The following TIMMDC1 variants were observed in gnomAD, a reference collection of about 807,000 sequenced individuals.
The protein encoded by TIMMDC1 is translocase of inner mitochondrial membrane domain containing 1.
Under a neutral mutation model 32.6 loss-of-function variants are expected in TIMMDC1, and 25 were observed. That is an observed-to-expected ratio of 0.77 (90% CI 0.56 to 1.07). The LOEUF (loss-of-function observed/expected upper bound fraction) is 1.07. TIMMDC1 is among the 50% of genes least tolerant of loss of function. The pLI is 0.00. For missense variants in TIMMDC1, 329 were observed against 349.2 expected (o/e 0.94, Z 0.46); for synonymous variants, 130 against 127.6 (o/e 1.02, Z -0.13).
At chr3:119,507,251 A>G (rs1447217438) in intron 4 of TIMMDC1, among the ~76,000 whole-genome samples, 2 of 152,104 alleles carry the variant, frequency 1.3e-5, no homozygotes, top group African/African-American at 4.8e-5. Context: ...CTGGTGTTCT[A>G]GTACACTTAT....
intron 2 of TIMMDC1, among the ~76,000 whole-genome samples, chr3:119,502,990 T>C (rs186521639): frequency 1.6e-3 from 243 of 152,268 alleles, no homozygotes; most frequent in African/African-American, 5.6e-3. Context: ...TGTTTTCCCT[T>C]CCCCCCTCTA....
chr3:119,512,780 G>A (rs79713873), intron 4 of TIMMDC1, among the ~76,000 whole-genome samples: 12,921 of 152,046 alleles, frequency 0.085, 679 homozygotes, highest in African/African-American at 0.14. Context: ...TCATTCTTCC[G>A]CTGAGGCTAG....
chr3:119,522,730 G>A (rs1056375763), intron 6 of TIMMDC1, among the ~76,000 whole-genome samples: 1 of 151,936 alleles, frequency 6.6e-6, no homozygotes, highest in Non-Finnish European at 1.5e-5. Flanking sequence ...AAAACAACTT[G>A]AATCATAGTA....
chr3:119,515,648 T>C (rs1444139112), intron 5 of TIMMDC1, among the ~76,000 whole-genome samples: 1 of 152,266 alleles, frequency 6.6e-6, no homozygotes, highest in Non-Finnish European at 1.5e-5. Context: ...TAAGGTGTTA[T>C]CTGTTCAGTG....
At chr3:119,510,931 G>A (rs537105064) in intron 4 of TIMMDC1, among the ~76,000 whole-genome samples, 1 of 152,302 alleles carries the variant, frequency 6.6e-6, no homozygotes, top group South Asian at 2.1e-4. Context: ...GCCCTGTGCA[G>A]TTGAAAAATC....
intron 6 of TIMMDC1, among the ~76,000 whole-genome samples, chr3:119,520,531 G>A (rs1485678335): frequency 1.3e-5 from 2 of 152,112 alleles, no homozygotes; most frequent in Non-Finnish European, 2.9e-5. Context: ...TCGAGATTGA[G>A]CCAAGAAGTA....
intron 4 of TIMMDC1, among the ~76,000 whole-genome samples, chr3:119,507,984 G>C (rs62264483): frequency 0.15 from 23,421 of 152,184 alleles, 2,338 homozygotes; most frequent in East Asian, 0.28. Context: ...GGCTAGAGCA[G>C]TTGCATTTGG....
Position 119,523,649 on chromosome 3 carries a change from G to T in TIMMDC1, c.751G>T (p.Glu251Ter). ...QVTEHLPEKI[E>*]SSLQEDEPEN... ...TACTGAGCACCTCCCTGAGAAAATT[G>T]AAAGTAGTTTACAGGAAGATGAACC... The change falls in exon 7 of 7, where the codon GAA (glutamate) becomes TAA (stop). Residue 251 changes from glutamate to a stop codon, truncating the protein, a stop_gained. Coordinates refer to ENST00000494664, the MANE Select transcript of TIMMDC1 (RefSeq NM_016589.4). LOFTEE classifies it high-confidence loss of function. 4 of 1,612,956 alleles carry T rather than the reference G, an allele frequency of 2.5e-6. No individual in the cohort carries two copies. Among genetic ancestry groups the T allele is most frequent in the Non-Finnish European group, 3.4e-6 (4 of 1,179,534 alleles).
In TIMMDC1 at chr3:119,520,305, AAAG is replaced by A. The variant is rs774705147; in HGVS notation, c.707+2996_707+2998del. ...ACTTAAAAACAAACAAAAAAACACAAAAGAAGAACTAAATGAAAAGTTGGTTTC... is the reference window on the plus strand; with the variant it reads ...ACTTAAAAACAAACAAAAAAACACAAAAGAACTAAATGAAAAGTTGGTTTC... On this transcript the variant is annotated intron_variant, in intron 6 of 6. Transcript: ENST00000494664. Among the ~76,000 whole-genome samples, 8 of 152,132 alleles carry A rather than the reference AAAG, an allele frequency of 5.3e-5. No homozygotes were observed. The East Asian group carries it at 5.8e-4, about 11-fold the overall frequency.
rs1408466545 is a variant in TIMMDC1, at chr3:119,525,007, A to G, written c.*1251A>G. On this transcript the variant is annotated 3_prime_UTR_variant, in exon 7 of 7. Coordinates refer to ENST00000494664, the MANE Select transcript of TIMMDC1 (RefSeq NM_016589.4). The stretch of plus-strand genomic sequence containing the variant: ...TAGCATAAAGCCATTTAAAGAGATT[A>G]TCAGTCCAATATGAACCAGTTAAGT... 2 of 152,256 alleles carry G rather than the reference A, an allele frequency of 1.3e-5. No homozygotes were observed. The highest frequency in any genetic ancestry group is 4.8e-5 in the African/African-American group (2 of 41,470). 9.4% of individuals were successfully genotyped at this position (152,256 alleles called of 1,614,324 possible). A position where few individuals can be genotyped will look rare whatever the true frequency, so the allele number is the denominator to read the frequency against.
intron 4 of TIMMDC1, among the ~76,000 whole-genome samples, chr3:119,509,947 GT>G (rs2081942825): frequency 1.3e-5 from 2 of 152,048 alleles, no homozygotes; most frequent in African/African-American, 4.8e-5. Flanking sequence ...GCCTCCCAAA[GT>G]GCTGGGATTT....
intron 2 of TIMMDC1, among the ~76,000 whole-genome samples, chr3:119,502,180 T>C (rs1467151890): frequency 6.6e-6 from 1 of 152,148 alleles, no homozygotes. Context: ...CTAAAAACTA[T>C]TCTAAATTCT....
chr3:119,522,799 G>GGGGT (rs757742715), intron 6 of TIMMDC1, among the ~76,000 whole-genome samples: 28 of 127,538 alleles, frequency 2.2e-4, no homozygotes, highest in Non-Finnish European at 3.7e-4. Context: ...TACACGTATG[G>GGGGT]GTGTTTGTGT....
intron 2 of TIMMDC1, among the ~76,000 whole-genome samples, chr3:119,501,816 G>C (rs2081878012): frequency 6.6e-6 from 1 of 152,018 alleles, no homozygotes; most frequent in South Asian, 2.1e-4. Flanking sequence ...CTCTGTTTTT[G>C]TCTTTCATGG....
rs1310075637 is a variant in TIMMDC1, at chr3:119,523,892, C to G, written c.*136C>G. On this transcript the variant is annotated 3_prime_UTR_variant, in exon 7 of 7. Transcript: ENST00000494664. Reference sequence around the variant, plus strand: ...GTACCTGTGGTGGCAGTGGCTTGCTCTTGTCTTTTTCTTTTCTTTTTAACT... The same window carrying G: ...GTACCTGTGGTGGCAGTGGCTTGCTGTTGTCTTTTTCTTTTCTTTTTAACT... 4 of 810,518 alleles carry G rather than the reference C, an allele frequency of 4.9e-6. No homozygotes were observed. The highest frequency in any genetic ancestry group is 7.4e-6 in the Non-Finnish European group (4 of 542,878). 50.2% of individuals were successfully genotyped at this position (810,518 alleles called of 1,614,324 possible).
chr3:119,511,541 G>A (rs1039280318), intron 4 of TIMMDC1, among the ~76,000 whole-genome samples: 4 of 151,992 alleles, frequency 2.6e-5, no homozygotes, highest in Admixed American at 1.3e-4. Flanking sequence ...TCAAACTCAT[G>A]TTTATCAACT....
Position 119,503,960 on chromosome 3 carries a change from G to T in TIMMDC1, c.456G>T (p.Val152=). 5 of 1,613,032 alleles carry T rather than the reference G, an allele frequency of 3.1e-6. No homozygotes were observed. Among genetic ancestry groups the T allele is most frequent in the Non-Finnish European group, 3.4e-6 (4 of 1,179,256 alleles). The change falls in exon 4 of 7, where the codon GTG becomes GTT. Residue 152 remains valine (V), a synonymous_variant. Transcript: ENST00000494664. The part of the protein sequence containing the change: ...TAVFVTIFNT[V]NTSLNVYRNK... ...TCTCCTCCCTTTTTACCAGCACAGT[G>T]AACACTAGTCTGAATGTATACCGAA... is the stretch of plus-strand genomic sequence containing the variant.
chr3:119,509,140 A>G (rs2081937186), intron 4 of TIMMDC1, among the ~76,000 whole-genome samples: 1 of 152,130 alleles, frequency 6.6e-6, no homozygotes. Flanking sequence ...TGGGAGGCAG[A>G]GCTTGCAGTG....
intron 2 of TIMMDC1, among the ~76,000 whole-genome samples, chr3:119,502,752 G>A (rs1206558378): frequency 2.0e-5 from 3 of 151,734 alleles, no homozygotes; most frequent in East Asian, 3.9e-4. Context: ...GTAAAGGCAG[G>A]ATCTCGCTAT....
Sources: gnomAD v4.1 joint callset for allele counts (sites outside exome capture counted in the v4.1 genomes callset) on GRCh38, gnomAD v4.1.1 for gene constraint, MANE v1.5 for transcripts, NCBI Gene and HGNC (gene_info 2026-07-23, HGNC 2026-07-21) for gene names.